The following ANTXR2 variants were observed in gnomAD, a reference collection of about 807,000 sequenced individuals.
ANTXR2 encodes anthrax toxin receptor 2.
Under a neutral mutation model 73.7 loss-of-function variants are expected in ANTXR2, and 44 were observed. The ratio of observed to expected loss-of-function variants is 0.60; its 90% CI spans 0.47 to 0.77. The LOEUF (loss-of-function observed/expected upper bound fraction) is 0.77. Ranked by LOEUF, ANTXR2 falls within the 30% of genes least tolerant of loss-of-function variation. The pLI is 0.00. For missense variants in ANTXR2, 604 were observed against 592.5 expected (o/e 1.02, Z -0.20); for synonymous variants, 217 against 205.9 (o/e 1.05, Z -0.46).
At chr4:80,044,297 T>C (rs1733414447) in intron 7 of ANTXR2, among the ~76,000 whole-genome samples, 2 of 151,946 alleles carry the variant, frequency 1.3e-5, no homozygotes, top group Admixed American at 6.6e-5. Context: ...CATACTTTGA[T>C]TGAGATCTTG....
chr4:79,911,364 T>C (rs1727128997), intron 16 of ANTXR2, among the ~76,000 whole-genome samples: 1 of 152,190 alleles, frequency 6.6e-6, no homozygotes, highest in Non-Finnish European at 1.5e-5. Context: ...TCTGAGACTA[T>C]TTCACTTTTA....
At chr4:79,984,683 C>A in intron 13 of ANTXR2, 136 bp downstream of exon 13, 1 of 783,626 alleles carries the variant, frequency 1.3e-6, no homozygotes, top group Non-Finnish European at 2.2e-6. Flanking sequence ...GAAAAATAAC[C>A]ACTGATTTGT....
chr4:80,004,026 A>C (rs1560974089), intron 12 of ANTXR2, among the ~76,000 whole-genome samples: 1 of 151,972 alleles, frequency 6.6e-6, no homozygotes, highest in Non-Finnish European at 1.5e-5. Context: ...TCAACAGGTG[A>C]ATAATTCAAC....
At chr4:80,025,694 AT>A (rs1432674812) in intron 10 of ANTXR2, among the ~76,000 whole-genome samples, 7 of 152,212 alleles carry the variant, frequency 4.6e-5, no homozygotes, top group Non-Finnish European at 8.8e-5. Flanking sequence ...AAGATTCCAT[AT>A]TCATGAATAG....
intron 12 of ANTXR2, among the ~76,000 whole-genome samples, chr4:79,986,223 G>A (rs963640970): frequency 1.3e-5 from 2 of 152,100 alleles, no homozygotes; most frequent in Admixed American, 6.5e-5. Flanking sequence ...AGTGTCAATG[G>A]CTTCAGCTAC....
At chr4:80,036,836 T>G (rs1732997247) in intron 7 of ANTXR2, among the ~76,000 whole-genome samples, 1 of 152,124 alleles carries the variant, frequency 6.6e-6, no homozygotes, top group South Asian at 2.1e-4. Flanking sequence ...TTCTCTTTAT[T>G]GGACAGTGGC....
intron 7 of ANTXR2, among the ~76,000 whole-genome samples, chr4:80,050,309 A>G (rs1241116246): frequency 6.6e-6 from 1 of 151,640 alleles, no homozygotes; most frequent in African/African-American, 2.4e-5. Flanking sequence ...TGTGTGCTAC[A>G]CTATCTAAAA....
In ANTXR2 at chr4:79,908,223, T is replaced by C. The variant is rs563898976; in HGVS notation, c.1429-756A>G. Among the ~76,000 whole-genome samples, 98 of 152,326 alleles carry C rather than the reference T, an allele frequency of 6.4e-4. No homozygotes were observed. The South Asian group carries it at 0.019, about 29-fold the overall frequency. ...GATACTACTGATCCACTGTACCACC[T>C]AAATCATTCCCAGATTCCTCAACCA... On this transcript the variant is annotated intron_variant, in intron 16 of 16. Transcript: ENST00000403729.
Position 79,903,929 on chromosome 4 carries a change from G to C in ANTXR2, c.*3500C>G, listed in dbSNP as rs1726808734. On this transcript the variant is annotated 3_prime_UTR_variant, in exon 17 of 17. Coordinates refer to ENST00000403729, the MANE Select transcript of ANTXR2 (RefSeq NM_058172.6). ...AACTTTCTAAAGTAATGTGATGCTAGAAAATGCTAGTAAAAGCTAACCAAT... is the reference window on the plus strand; with the variant it reads ...AACTTTCTAAAGTAATGTGATGCTACAAAATGCTAGTAAAAGCTAACCAAT... The C allele has an allele frequency of 6.6e-6, 1 of 152,150 alleles. No individual in the cohort carries two copies. The highest frequency in any genetic ancestry group is 6.6e-5 in the Admixed American group (1 of 15,256). 9.4% of individuals were successfully genotyped at this position (152,150 alleles called of 1,614,324 possible).
chr4:79,933,444 C>T (rs1728134196), intron 16 of ANTXR2, among the ~76,000 whole-genome samples: 1 of 152,160 alleles, frequency 6.6e-6, no homozygotes, highest in Admixed American at 6.5e-5. Context: ...CCATCTCATT[C>T]CACAGAAAAA....
At chr4:79,926,342 G>C (rs1287797959) in intron 16 of ANTXR2, among the ~76,000 whole-genome samples, 1 of 152,080 alleles carries the variant, frequency 6.6e-6, no homozygotes, top group African/African-American at 2.4e-5. Flanking sequence ...ATAGGAATGT[G>C]CCTATGTTGA....
At position 80,072,436 on chromosome 4, in the gene ANTXR2, G is replaced by T; in HGVS notation, c.125C>A (p.Ala42Asp). 6.2e-7 allele frequency: 1 copy of T among 1,606,994 alleles called. No homozygotes were observed. The highest frequency in any genetic ancestry group is 2.3e-5 in the East Asian group (1 of 43,950). ...RAQEQPSCRRAFDLYFVLDKS... is the reference protein window; with the variant it reads ...RAQEQPSCRRDFDLYFVLDKS... ...GTCCAGGACGAAGTAGAGATCAAAGGCTCTTCTGCAGGAGGGCTGCTCCTG... is the reference window on the plus strand; with the variant it reads ...GTCCAGGACGAAGTAGAGATCAAAGTCTCTTCTGCAGGAGGGCTGCTCCTG... The change falls in exon 1 of 17, where the codon GCC becomes GAC. Residue 42 changes from alanine (A) to aspartate (D), a missense_variant. Ala to Asp is a moderately radical substitution (Grantham distance 126). Coordinates refer to ENST00000403729, the MANE Select transcript of ANTXR2 (RefSeq NM_058172.6).
At chr4:79,952,235 A>G (rs1265786382) in intron 16 of ANTXR2, among the ~76,000 whole-genome samples, 1 of 150,948 alleles carries the variant, frequency 6.6e-6, no homozygotes, top group East Asian at 1.9e-4. Context: ...TTAGATTCTA[A>G]TTAGAATCCA....
chr4:80,047,335 T>C (rs1195311161), intron 7 of ANTXR2, among the ~76,000 whole-genome samples: 1 of 151,812 alleles, frequency 6.6e-6, no homozygotes, highest in Non-Finnish European at 1.5e-5. Context: ...TCTATGTTTA[T>C]TATCAAGTGG....
chr4:79,977,877 G>A (rs796960577), intron 15 of ANTXR2, 130 bp downstream of exon 15: 26 of 1,237,982 alleles, frequency 2.1e-5, no homozygotes, highest in Non-Finnish European at 2.7e-5. Flanking sequence ...GTATTCAGCT[G>A]TTAAGAGTGT....
intron 3 of ANTXR2, among the ~76,000 whole-genome samples, chr4:80,068,484 T>C (rs1179833435): frequency 6.6e-6 from 1 of 151,984 alleles, no homozygotes; most frequent in Non-Finnish European, 1.5e-5. Context: ...AACATGTCAG[T>C]GAGGTGGGGT....
chr4:80,037,160 TC>T (rs1418595053), intron 7 of ANTXR2, among the ~76,000 whole-genome samples: 1 of 152,188 alleles, frequency 6.6e-6, no homozygotes, highest in African/African-American at 2.4e-5. Flanking sequence ...TCAGACAAAT[TC>T]CAGATGATCT....
chr4:80,035,965 C>T lies in ANTXR2; in HGVS notation c.697+7G>A. On this transcript the variant is annotated splice_region_variant and intron_variant, in intron 8 of 16. Coordinates refer to ENST00000403729, the MANE Select transcript of ANTXR2 (RefSeq NM_058172.6). Reference sequence around the variant, plus strand: ...TTACATGGTATTTTTAAATTCTAAACACTTACCCCCCACACAGACACTTGA... The same window carrying T: ...TTACATGGTATTTTTAAATTCTAAATACTTACCCCCCACACAGACACTTGA... 1 of 1,537,868 alleles carries T rather than the reference C, an allele frequency of 6.5e-7. No homozygotes were observed. The highest frequency in any genetic ancestry group is 8.8e-7 in the Non-Finnish European group (1 of 1,140,896).
intron 11 of ANTXR2, among the ~76,000 whole-genome samples, chr4:80,012,904 T>C (rs1731663723): frequency 6.6e-6 from 1 of 152,216 alleles, no homozygotes; most frequent in Non-Finnish European, 1.5e-5. Context: ...TCCTCAGTTT[T>C]CTCATCTGCA....
Sources: gnomAD v4.1 joint callset for allele counts (sites outside exome capture counted in the v4.1 genomes callset) on GRCh38, gnomAD v4.1.1 for gene constraint, MANE v1.5 for transcripts, NCBI Gene and HGNC (gene_info 2026-07-23, HGNC 2026-07-21) for gene names.